ARHGEF40: variants seen among roughly 807,000 people sequenced by gnomAD.
ARHGEF40 encodes the protein Rho guanine nucleotide exchange factor 40, also known as Rho guanine nucleotide exchange factor (GEF) 40.
A neutral mutation model predicts 165.9 loss-of-function variants in ARHGEF40; 98 were observed. The observed-to-expected ratio is 0.59, with a 90% confidence interval of 0.50 to 0.70. The LOEUF (loss-of-function observed/expected upper bound fraction) is 0.70. ARHGEF40 is among the 30% of genes least tolerant of loss of function. The pLI is 0.00. For synonymous variants in ARHGEF40, 792 were observed against 814.3 expected, an observed-to-expected ratio of 0.97 and a Z score of 0.47; for missense variants, 1,815 against 1,968.0, an observed-to-expected ratio of 0.92 and a Z score of 1.47.
rs746081571 is a variant in ARHGEF40, at chr14:21,081,029, C to G, written c.2640+13C>G. ...CTTCTTCCAGCAGGTGCATGCAGAG[C>G]CTTTTCCTTCTGTGCCCCCCCATTT... On this transcript the variant is annotated intron_variant, in intron 13 of 23. Coordinates refer to ENST00000298694, the MANE Select transcript of ARHGEF40 (RefSeq NM_018071.5). 23 of 1,604,594 alleles carry G rather than the reference C, an allele frequency of 1.4e-5. No individual in the cohort carries two copies. The highest frequency in any genetic ancestry group is 2.0e-5 in the Non-Finnish European group (23 of 1,174,944).
chr14:21,084,659 A>G (rs1888196456), intron 17 of ARHGEF40, 94 bp from the exon 18 acceptor site: 1 of 1,396,722 alleles, frequency 7.2e-7, no homozygotes, highest in African/African-American at 1.4e-5. Flanking sequence ...GAACCAGTGC[A>G]TTAGGCCACT....
At chr14:21,081,175 G>T in intron 13 of ARHGEF40, 159 bp downstream of exon 13, 1 of 1,196,202 alleles carries the variant, frequency 8.4e-7, no homozygotes, top group South Asian at 1.5e-5. Flanking sequence ...AATGGCATGG[G>T]GCAAGATACT....
upstream of ARHGEF40, chr14:21,070,165 G>A (rs914947712): frequency 4.7e-5 from 11 of 235,514 alleles, no homozygotes; most frequent in African/African-American, 1.8e-4. The surrounding 1 kb of genome is among the most constrained non-coding windows in gnomAD (Gnocchi z 4.7). Context: ...CCCGGCAAGG[G>A]GTCCCGCGCG....
chr14:21,081,953 G>C lies in ARHGEF40; in HGVS notation c.3085G>C (p.Gly1029Arg), dbSNP rs775349138. Residue 1029 changes from glycine (G) to arginine (R), a missense_variant, in exon 14 of 24, where the codon GGC becomes CGC. By Grantham distance (125) the Gly-to-Arg change is moderately radical. Coordinates refer to ENST00000298694, the MANE Select transcript of ARHGEF40 (RefSeq NM_018071.5). ...CCCTGAGCTGGCTCCAGAAGCAGAGGGCAGGCCCCCAAGAGCTGTGCTGAT... is the reference window on the plus strand; with the variant it reads ...CCCTGAGCTGGCTCCAGAAGCAGAGCGCAGGCCCCCAAGAGCTGTGCTGAT... ...EGPELAPEAEGRPPRAVLIRG... is the reference protein window; with the variant it reads ...EGPELAPEAERRPPRAVLIRG... 3 of 1,605,408 alleles carry C rather than the reference G, an allele frequency of 1.9e-6. No individual in the cohort carries two copies. The African/African-American group carries it at 4.0e-5, about 21-fold the overall frequency.
In ARHGEF40 at chr14:21,075,735, C is replaced by T. The variant is rs1279641846; in HGVS notation, c.1709C>T (p.Thr570Ile). 6.2e-7 allele frequency: 1 copy of T among 1,613,640 alleles called. No individual in the cohort carries two copies. The highest frequency in any genetic ancestry group is 1.7e-5 in the Admixed American group (1 of 59,992). Residue 570 changes from threonine to isoleucine, a missense_variant, in exon 5 of 24, where the codon ACA (threonine) becomes ATA (isoleucine). Transcript: ENST00000298694. This position sits in a 1 kb window ranked among gnomAD's most constrained non-coding sequence, Gnocchi z 4.5. ...EPPPSRDTLN[T>I]TLHYLHSLLR... ...CCACCCTCCCGAGACACGCTGAACA[C>T]AACTCTTCATTACCTCCACTCACTG...
Position 21,075,678 on chromosome 14 carries a change from C to A in ARHGEF40, c.1652C>A (p.Thr551Asn). The change falls in exon 5 of 24, where the codon ACC becomes AAC. Residue 551 changes from threonine to asparagine, a missense_variant. Transcript: ENST00000298694. The surrounding 1 kb of genome is among the most constrained non-coding windows in gnomAD (Gnocchi z 4.5). ...GVDQSGRALL[T>N]ITPPCPPEEP... ...GACCAGAGTGGGCGAGCTCTGCTGA[C>A]CATTACCCCACCGTGCCCTCCTGAG... 1 of 1,613,954 alleles carries A rather than the reference C, an allele frequency of 6.2e-7. No individual in the cohort carries two copies. The highest frequency in any genetic ancestry group is 8.5e-7 in the Non-Finnish European group (1 of 1,179,992).
intron 13 of ARHGEF40, 23 bp from the exon 14 acceptor site, chr14:21,081,486 C>A: frequency 6.2e-7 from 1 of 1,611,552 alleles, no homozygotes; most frequent in Non-Finnish European, 8.5e-7. Context: ...TCTCTCCCAT[C>A]CCCAACCCCT....
At position 21,074,994 on chromosome 14, in the gene ARHGEF40, G is replaced by A. The variant is rs1223773443; in HGVS notation, c.1264G>A (p.Glu422Lys). The A allele has an allele frequency of 9.3e-6, 15 of 1,613,480 alleles. No individual in the cohort carries two copies. Among genetic ancestry groups the A allele is most frequent in the Admixed American group, 8.3e-5 (5 of 59,922 alleles). The change falls in exon 3 of 24, where the codon GAG (glutamate) becomes AAG (lysine). Residue 422 changes from glutamate (E) to lysine (K), a missense_variant. Transcript: ENST00000298694. The surrounding 1 kb of genome is among the most constrained non-coding windows in gnomAD (Gnocchi z 4.8). ...CCTTGGCAATCTGCCCTCACCAAGT[G>A]AGCACAAGCTTCCAGAATGCCACCT... is the stretch of plus-strand genomic sequence containing the variant. ...EALGNLPSPS[E>K]HKLPECHLVK...
the ARHGEF40 span, among the ~76,000 whole-genome samples, chr14:21,063,643 T>C: frequency 1.6e-3 from 249 of 152,312 alleles, no homozygotes; most frequent in African/African-American, 5.8e-3. Flanking sequence ...TCCTAGATTG[T>C]CTGCTCCAGA....
intron 8 of ARHGEF40, among the ~76,000 whole-genome samples, chr14:21,077,279 A>ATTTTTT (rs143561266): frequency 1.7e-4 from 18 of 108,510 alleles, no homozygotes; most frequent in East Asian, 2.6e-4. Flanking sequence ...TAGTTTTTGT[A>ATTTTTT]TTTTTTTTTT....
In ARHGEF40 at chr14:21,081,211, T is replaced by A; in HGVS notation, c.2640+195T>A. On this transcript the variant is annotated intron_variant, in intron 13 of 23. Transcript: ENST00000298694. ...AAACCTGACTGTGCCTCCATAGATCTACCTCACAGGGCTGCTGTGGGGATT... is the reference window on the plus strand; with the variant it reads ...AAACCTGACTGTGCCTCCATAGATCAACCTCACAGGGCTGCTGTGGGGATT... The A allele has an allele frequency of 4.3e-6, 4 of 925,356 alleles. No individual in the cohort carries two copies. The East Asian group carries it at 1.1e-4, about 25-fold the overall frequency. The allele number at this position is 925,356 out of a possible 1,614,324, so 57.3% of individuals were successfully genotyped here. A position where few individuals can be genotyped will look rare whatever the true frequency, so the allele number is the denominator to read the frequency against.
chr14:21,070,279 C>A, upstream of ARHGEF40: 1 of 1,113,310 alleles, frequency 9.0e-7, no homozygotes, highest in Non-Finnish European at 1.1e-6. The surrounding 1 kb of genome is among the most constrained non-coding windows in gnomAD (Gnocchi z 4.7). Context: ...CGAGCCGCCA[C>A]CGCGGCCGGA....
Position 21,083,872 on chromosome 14 carries a change from T to C in ARHGEF40, c.3611T>C (p.Leu1204Pro). ...MEAGPYLPRA[L>P]QQPLEQLTRY... The stretch of plus-strand genomic sequence containing the variant: ...GCTGGCCCTTACCTGCCCCGAGCCC[T>C]GCAGCAGCCTCTGGAACAGCTGACT... The change falls in exon 17 of 24, where the codon CTG (leucine) becomes CCG (proline). Residue 1204 changes from leucine (L) to proline (P), a missense_variant. Transcript: ENST00000298694. 6.2e-7 allele frequency: 1 copy of C among 1,613,564 alleles called. No individual in the cohort carries two copies. The highest frequency in any genetic ancestry group is 8.5e-7 in the Non-Finnish European group (1 of 1,179,938).
In ARHGEF40 at chr14:21,080,723, A is replaced by G; in HGVS notation, c.2437A>G (p.Thr813Ala). The G allele has an allele frequency of 6.2e-7, 1 of 1,611,976 alleles. No individual in the cohort carries two copies. The highest frequency in any genetic ancestry group is 8.5e-7 in the Non-Finnish European group (1 of 1,179,004). ...QLASFAMPGD[T>A]LSALQETELR... The stretch of plus-strand genomic sequence containing the variant: ...GGCAAGCTTTGCTATGCCTGGGGAC[A>G]CCTTGTCTGCCCTGCAGGAGACAGA... Residue 813 changes from threonine (T) to alanine (A), a missense_variant, in exon 12 of 24, where the codon ACC becomes GCC. Thr to Ala is a moderately conservative substitution (Grantham distance 58). Coordinates refer to ENST00000298694, the MANE Select transcript of ARHGEF40 (RefSeq NM_018071.5).
chr14:21,087,139 G>T (rs1222915789), intron 20 of ARHGEF40, 34 bp downstream of exon 20: 1 of 1,601,386 alleles, frequency 6.2e-7, no homozygotes, highest in Non-Finnish European at 8.5e-7. Flanking sequence ...TGGCCCCCAG[G>T]AGTGAAGACC....
intron 11 of ARHGEF40, 119 bp downstream of exon 11, chr14:21,079,129 C>CG: frequency 7.5e-7 from 1 of 1,333,504 alleles, no homozygotes; most frequent in Non-Finnish European, 1.0e-6. Context: ...AACGCCCCTC[C>CG]CTCCTCCTCA....
rs375696722 is a variant in ARHGEF40, at chr14:21,081,968, G to A, written c.3100G>A (p.Ala1034Thr). Residue 1034 changes from alanine to threonine, a missense_variant, in exon 14 of 24, where the codon GCT becomes ACT. Ala to Thr is a moderately conservative substitution (Grantham distance 58). Transcript: ENST00000298694. Reference protein sequence around the residue: ...APEAEGRPPRAVLIRGLEVTS... With the variant: ...APEAEGRPPRTVLIRGLEVTS... ...AGAAGCAGAGGGCAGGCCCCCAAGA[G>A]CTGTGCTGATCCGAGGCCTGGAGGT... 6.3e-6 allele frequency: 10 copies of A among 1,598,776 alleles called. No homozygotes were observed. Among genetic ancestry groups the A allele is most frequent in the African/African-American group, 4.0e-5 (3 of 74,568 alleles).
rs542178858 is a variant in ARHGEF40, at chr14:21,087,297, C to A, written c.4244-23C>A. Reference sequence around the variant, plus strand: ...GGGCTTTCCCACACCAGCACCCCACCCCCCACTCCCCACTCTCTGCAGCCG... The same window carrying A: ...GGGCTTTCCCACACCAGCACCCCACACCCCACTCCCCACTCTCTGCAGCCG... On this transcript the variant is annotated intron_variant, in intron 20 of 23. Coordinates refer to ENST00000298694, the MANE Select transcript of ARHGEF40 (RefSeq NM_018071.5). The A allele has an allele frequency of 3.1e-6, 5 of 1,599,598 alleles. No homozygotes were observed. The East Asian group carries it at 9.0e-5, about 29-fold the overall frequency.
chr14:21,074,614 TG>T lies in ARHGEF40; in HGVS notation c.888del (p.Pro297LeufsTer54). ...RHRAWMHQKGLGPRGQDGARP... is the reference protein window; with the variant it reads ...RHRAWMHQKGXGPRGQDGARP... ...CGGGCGTGGATGCACCAGAAGGGCC[TG>T]GGGCCTCGGGGCCAGGATGGAGCAC... On this transcript the variant is annotated frameshift_variant, in exon 3 of 24. Coordinates refer to ENST00000298694, the MANE Select transcript of ARHGEF40 (RefSeq NM_018071.5). LOFTEE classifies it high-confidence loss of function. The surrounding 1 kb of genome is among the most constrained non-coding windows in gnomAD (Gnocchi z 4.8). 6.4e-7 allele frequency: 1 copy of T among 1,567,872 alleles called. No homozygotes were observed. The highest frequency in any genetic ancestry group is 8.6e-7 in the Non-Finnish European group (1 of 1,157,740).
Sources: gnomAD v4.1 joint callset for allele counts (sites outside exome capture counted in the v4.1 genomes callset) on GRCh38, gnomAD v4.1.1 for gene constraint, Gnocchi (gnomAD v3.1) non-coding constraint, MANE v1.5 for transcripts, NCBI Gene and HGNC (gene_info 2026-07-23, HGNC 2026-07-21) for gene names.